The following SV2C variants were observed in gnomAD, a reference collection of about 807,000 sequenced individuals.
The protein encoded by SV2C is synaptic vesicle glycoprotein 2C, also known as solute carrier family 22 member B3.
In SV2C, 49 loss-of-function variants were observed where a neutral mutation model predicts 79.7. The observed-to-expected ratio is 0.61, with a 90% CI of 0.49 to 0.78. SV2C has a LOEUF of 0.78. SV2C is among the 30% of genes least tolerant of loss of function. The pLI is 0.00. For synonymous variants in SV2C, 334 were observed against 333.2 expected (o/e 1.00, Z -0.03); for missense variants, 833 against 912.9 (o/e 0.91, Z 1.13).
At chr5:76,211,463 CGTGTGTGTGTGTGTGT>C (rs10593541) in intron 4 of SV2C, among the ~76,000 whole-genome samples, 1 of 149,474 alleles carries the variant, frequency 6.7e-6, no homozygotes, top group Non-Finnish European at 1.5e-5. Flanking sequence ...GTTCTGGTTG[CGTGTGTGTGTGTGTGT>C]GTGTGTGTGT....
chr5:76,291,442 A>G (rs1226956001), intron 7 of SV2C, 111 bp downstream of exon 7: 2 of 788,136 alleles, frequency 2.5e-6, no homozygotes, highest in Non-Finnish European at 4.0e-6. Context: ...CCTGCTGCCC[A>G]GGACACCTGA....
chr5:76,031,111 T>C, the SV2C span, among the ~76,000 whole-genome samples: 1 of 152,208 alleles, frequency 6.6e-6, no homozygotes, highest in Non-Finnish European at 1.5e-5. Flanking sequence ...TTGATCTAAC[T>C]GTCACAGATG....
the SV2C span, among the ~76,000 whole-genome samples, chr5:76,009,866 A>C: frequency 6.6e-6 from 1 of 152,124 alleles, no homozygotes; most frequent in Non-Finnish European, 1.5e-5. Context: ...CTATATACCC[A>C]GGTAACAAAC....
At chr5:76,286,802 T>C (rs1180330323) in intron 6 of SV2C, 1 of 152,086 alleles carries the variant, frequency 6.6e-6, no homozygotes, top group Non-Finnish European at 1.5e-5. Context: ...CAAGGAGAAA[T>C]GCTGAGCAAA....
intron 2 of SV2C, among the ~76,000 whole-genome samples, chr5:76,161,412 A>G (rs1269874586): frequency 6.6e-6 from 1 of 152,130 alleles, no homozygotes; most frequent in Non-Finnish European, 1.5e-5. Context: ...TACAAGGTAC[A>G]GGGTTTCTGT....
intron 1 of SV2C, among the ~76,000 whole-genome samples, chr5:76,089,222 C>T (rs1747293437): frequency 6.6e-6 from 1 of 152,138 alleles, no homozygotes; most frequent in African/African-American, 2.4e-5. Flanking sequence ...TGTTCCCCTC[C>T]CTGTGTCCAT....
chr5:75,995,169 T>C, the SV2C span, among the ~76,000 whole-genome samples: 2 of 152,146 alleles, frequency 1.3e-5, no homozygotes, highest in African/African-American at 4.8e-5. Context: ...GTCTATCAAC[T>C]TAAATGCTAA....
At chr5:76,062,144 G>A in the SV2C span, among the ~76,000 whole-genome samples, 29 of 151,968 alleles carry the variant, frequency 1.9e-4, no homozygotes, top group African/African-American at 6.3e-4. Context: ...TTTAGAGTAT[G>A]GAAAGGAGGG....
At chr5:76,057,322 G>A in the SV2C span, among the ~76,000 whole-genome samples, 1 of 151,888 alleles carries the variant, frequency 6.6e-6, no homozygotes, top group Non-Finnish European at 1.5e-5. Flanking sequence ...TTGGTGTGCT[G>A]CACCCATTAA....
intron 4 of SV2C, among the ~76,000 whole-genome samples, chr5:76,218,349 C>T (rs1744962915): frequency 1.3e-5 from 2 of 152,148 alleles, no homozygotes; most frequent in African/African-American, 4.8e-5. Flanking sequence ...AGACTTGGAA[C>T]ACACCCAAAT....
intron 1 of SV2C, among the ~76,000 whole-genome samples, chr5:76,121,728 A>C (rs1345172448): frequency 6.6e-6 from 1 of 151,852 alleles, no homozygotes; most frequent in African/African-American, 2.4e-5. Flanking sequence ...ATTGATCTAT[A>C]TCTCTGTTTT....
At chr5:76,253,235 A>G (rs1383595958) in intron 4 of SV2C, among the ~76,000 whole-genome samples, 1 of 152,226 alleles carries the variant, frequency 6.6e-6, no homozygotes, top group Non-Finnish European at 1.5e-5. Context: ...AAGGTCAAAG[A>G]GAAAGAAGAA....
chr5:75,896,894 T>G, the SV2C span, among the ~76,000 whole-genome samples: 1 of 147,032 alleles, frequency 6.8e-6, no homozygotes, highest in East Asian at 1.9e-4. Context: ...TCATGTCCTT[T>G]GCCCACTTTT....
chr5:76,241,017 C>T (rs1398745224), intron 4 of SV2C, among the ~76,000 whole-genome samples: 1 of 151,980 alleles, frequency 6.6e-6, no homozygotes, highest in Admixed American at 6.6e-5. Context: ...GTGGCAGTGG[C>T]GTGATCTCAG....
the SV2C span, among the ~76,000 whole-genome samples, chr5:76,066,796 A>T: frequency 7.4e-5 from 2 of 27,210 alleles, no homozygotes; most frequent in African/African-American, 8.2e-4. Flanking sequence ...GGACCCTGTT[A>T]AAAAAAAAAA....
At chr5:75,911,121 A>G in the SV2C span, 1 of 1,536,772 alleles carries the variant, frequency 6.5e-7, no homozygotes, top group Non-Finnish European at 9.0e-7. Flanking sequence ...AGGAGCACTT[A>G]GAAGATGAGG....
At chr5:76,340,829 C>T (rs968646573) in intron 12 of SV2C, among the ~76,000 whole-genome samples, 2 of 151,914 alleles carry the variant, frequency 1.3e-5, no homozygotes, top group African/African-American at 4.8e-5. Flanking sequence ...AGGCTGGTCT[C>T]GAACTCCTAG....
Position 76,298,686 on chromosome 5 carries a change from T to A in SV2C, c.1503-108T>A, listed in dbSNP as rs987065302. 1.7e-5 allele frequency: 22 copies of A among 1,281,102 alleles called. No homozygotes were observed. In the African/African-American group the frequency reaches 3.0e-4, roughly 17 times the overall value. The allele number at this position is 1,281,102 out of a possible 1,614,324, so 79.4% of individuals were successfully genotyped here. A position where few individuals can be genotyped will look rare whatever the true frequency, so the allele number is the denominator to read the frequency against. On this transcript the variant is annotated intron_variant, in intron 9 of 12. Coordinates refer to ENST00000502798, the MANE Select transcript of SV2C (RefSeq NM_014979.4). ...TCAAGAACTCTGTGTTCTTTATAAT[T>A]AAGACAGTCCATAGTGGGGCATTCC...
the SV2C span, among the ~76,000 whole-genome samples, chr5:75,849,777 G>A: frequency 1.9e-4 from 29 of 152,296 alleles, no homozygotes; most frequent in African/African-American, 7.0e-4. Flanking sequence ...TTTTTAGAAT[G>A]CAATTAACCC....
Sources: gnomAD v4.1 joint callset for allele counts (sites outside exome capture counted in the v4.1 genomes callset) on GRCh38, gnomAD v4.1.1 for gene constraint, MANE v1.5 for transcripts, NCBI Gene and HGNC (gene_info 2026-07-23, HGNC 2026-07-21) for gene names.